The following MAPK10 variants were observed in gnomAD, a reference collection of about 807,000 sequenced individuals.
MAPK10 encodes JNK3 alpha protein kinase.
Under a neutral mutation model 59.3 loss-of-function variants are expected in MAPK10, and 25 were observed. The ratio of observed to expected loss-of-function variants is 0.42; its 90% CI spans 0.31 to 0.59. The LOEUF is 0.59. Among genes scored for constraint, MAPK10 ranks in the 20% least tolerant of loss-of-function variants. The pLI, the probability that MAPK10 is intolerant of heterozygous loss-of-function variation, is 0.15. For missense variants in MAPK10, 351 were observed against 568.9 expected (o/e 0.62, Z 3.90); for synonymous variants, 190 against 200.5 (o/e 0.95, Z 0.44).
intron 9 of MAPK10, chr4:86,089,638 T>C (rs1420453684): frequency 1.2e-5 from 2 of 167,402 alleles, no homozygotes; most frequent in Non-Finnish European, 2.6e-5. Context: ...ATAGTGTTAA[T>C]ATGCAAATCA....
At chr4:86,144,566 A>G (rs2064408819) in intron 4 of MAPK10, among the ~76,000 whole-genome samples, 1 of 152,182 alleles carries the variant, frequency 6.6e-6, no homozygotes, top group African/African-American at 2.4e-5. Context: ...TTCTCCTGCC[A>G]GAGAATACTT....
chr4:86,510,621 A>G (rs956938956), intron 1 of MAPK10, among the ~76,000 whole-genome samples: 1 of 152,152 alleles, frequency 6.6e-6, no homozygotes, highest in Non-Finnish European at 1.5e-5. Context: ...ACATGAATAT[A>G]TCTATATACA....
chr4:86,421,791 G>A (rs1473812558), intron 1 of MAPK10, among the ~76,000 whole-genome samples: 1 of 152,140 alleles, frequency 6.6e-6, no homozygotes, highest in African/African-American at 2.4e-5. Flanking sequence ...AAGTAGGATC[G>A]TGCCGCTCCT....
rs1442835770 is a variant in MAPK10 at position 86,341,047 on chromosome 4, CAG to C, written c.-7+13481_-7+13482del. ...TGACCCAAGGAAGTTATGGACAACACAGGGAGAGATGGTGGCTGAGTATTCAT... is the reference window on the plus strand; with the variant it reads ...TGACCCAAGGAAGTTATGGACAACACGGAGAGATGGTGGCTGAGTATTCAT... On this transcript the variant is annotated intron_variant, in intron 2 of 13. Transcript: ENST00000641462. Among the ~76,000 whole-genome samples, 12 of 152,212 alleles carry C rather than the reference CAG, an allele frequency of 7.9e-5. No homozygotes were observed. In the East Asian group the frequency reaches 1.9e-3, roughly 25 times the overall value.
intron 4 of MAPK10, chr4:86,124,532 C>T (rs2059770526): frequency 6.6e-6 from 1 of 151,796 alleles, no homozygotes; most frequent in Non-Finnish European, 1.5e-5. Flanking sequence ...TGGAGCATCC[C>T]AGTATTCAGC....
chr4:86,025,306 TC>T, intron 13 of MAPK10: 1 of 388,572 alleles, frequency 2.6e-6, no homozygotes, highest in Non-Finnish European at 4.5e-6. Context: ...TCTGTATGAC[TC>T]CCTCTATTGC....
chr4:86,435,706 G>A (rs1048637002), intron 1 of MAPK10, among the ~76,000 whole-genome samples: 4 of 152,148 alleles, frequency 2.6e-5, no homozygotes, highest in Admixed American at 6.5e-5. Flanking sequence ...TGCTCTGGCT[G>A]TTAGGTCAGC....
intron 2 of MAPK10, among the ~76,000 whole-genome samples, chr4:86,257,710 T>C (rs1355835901): frequency 6.6e-6 from 1 of 152,152 alleles, no homozygotes; most frequent in African/African-American, 2.4e-5. Flanking sequence ...CCTAGAACAA[T>C]TCCATTTTTT....
At chr4:86,203,177 A>C (rs1031138913) in intron 2 of MAPK10, among the ~76,000 whole-genome samples, 3 of 151,950 alleles carry the variant, frequency 2.0e-5, no homozygotes, top group African/African-American at 7.2e-5. Flanking sequence ...AAAGCCCCAT[A>C]TGAGCATTTC....
chr4:86,558,526 A>T (rs1235442799), intron 1 of MAPK10, among the ~76,000 whole-genome samples: 1 of 152,156 alleles, frequency 6.6e-6, no homozygotes, highest in Non-Finnish European at 1.5e-5. Flanking sequence ...AGACACATTT[A>T]GTGTGAGCTT....
chr4:86,502,877 A>T (rs554925181), intron 1 of MAPK10, among the ~76,000 whole-genome samples: 9 of 152,204 alleles, frequency 5.9e-5, no homozygotes, highest in African/African-American at 1.9e-4. Flanking sequence ...CAGCACATAA[A>T]CAAAAATAAC....
chr4:86,305,582 G>A (rs1459332868), intron 2 of MAPK10, among the ~76,000 whole-genome samples: 1 of 152,134 alleles, frequency 6.6e-6, no homozygotes, highest in Non-Finnish European at 1.5e-5. Context: ...ACTTTGGGAG[G>A]CTAAGGTGGG....
chr4:86,195,725 C>A (rs2081143696), intron 2 of MAPK10, among the ~76,000 whole-genome samples: 2 of 152,132 alleles, frequency 1.3e-5, no homozygotes, highest in Non-Finnish European at 2.9e-5. Context: ...TCCCCTAGGC[C>A]CCCACCCTGA....
At chr4:86,427,928 C>T (rs1296506462) in intron 1 of MAPK10, among the ~76,000 whole-genome samples, 2 of 152,120 alleles carry the variant, frequency 1.3e-5, no homozygotes, top group Admixed American at 1.3e-4. Context: ...TTTTAACTTA[C>T]CTGGATCTTT....
Position 86,287,401 on chromosome 4 carries a change from C to T in MAPK10, c.-7+67129G>A, listed in dbSNP as rs113974467. Reference sequence around the variant, plus strand: ...TGTTTTACTTTTGCCAAAACTGCACCATATAAACTTGACATGTGCTCTAAA... The same window carrying T: ...TGTTTTACTTTTGCCAAAACTGCACTATATAAACTTGACATGTGCTCTAAA... On this transcript the variant is annotated intron_variant, in intron 2 of 13. Coordinates refer to ENST00000641462, the MANE Select transcript of MAPK10 (RefSeq NM_138982.4). 4.9e-3 allele frequency among the ~76,000 whole-genome samples: 741 copies of T among 152,252 alleles called. 9 individuals carry two copies. Among genetic ancestry groups the T allele is most frequent in the African/African-American group, 0.017 (700 of 41,544 alleles).
At chr4:86,156,147 G>A (rs558289756) in intron 4 of MAPK10, among the ~76,000 whole-genome samples, 79 of 151,978 alleles carry the variant, frequency 5.2e-4, no homozygotes, top group African/African-American at 1.8e-3. Context: ...CCACAAATAC[G>A]GGTACGTATA....
intron 2 of MAPK10, among the ~76,000 whole-genome samples, chr4:86,257,389 T>C (rs2093789810): frequency 6.6e-6 from 1 of 152,202 alleles, no homozygotes; most frequent in African/African-American, 2.4e-5. Flanking sequence ...CCATATCCAC[T>C]CACAGTGAAT....
At chr4:86,116,646 C>T (rs1233458602) in intron 4 of MAPK10, among the ~76,000 whole-genome samples, 8 of 152,182 alleles carry the variant, frequency 5.3e-5, no homozygotes, top group Non-Finnish European at 8.8e-5. Flanking sequence ...CTCCTGGAAA[C>T]GTTGTGGCAT....
At chr4:86,398,587 C>A (rs902639563) in intron 1 of MAPK10, among the ~76,000 whole-genome samples, 1 of 152,032 alleles carries the variant, frequency 6.6e-6, no homozygotes, top group Non-Finnish European at 1.5e-5. Flanking sequence ...TATTAATGTA[C>A]CTTGTTATTT....
Sources: allele counts gnomAD v4.1 joint callset (sites outside exome capture counted in the v4.1 genomes callset), GRCh38; gene constraint gnomAD v4.1.1; transcripts MANE v1.5; gene names NCBI Gene and HGNC (gene_info 2026-07-23, HGNC 2026-07-21).